Variants in COG6 observed in about 807,000 individuals in gnomAD.
COG6 encodes the protein component of oligomeric golgi complex 6.
COG6 carries 74 observed loss-of-function variants against 88.8 expected under a neutral mutation model. That is an observed-to-expected ratio of 0.83 (90% CI 0.69 to 1.01). The LOEUF (loss-of-function observed/expected upper bound fraction) is 1.01. Among genes scored for constraint, COG6 ranks in the 50% least tolerant of loss-of-function variants. The probability of loss-of-function intolerance (pLI) is 0.00; values close to 1 mark genes in which losing one functional copy is unlikely to be tolerated. For synonymous variants in COG6, 286 were observed against 278.7 expected, an observed-to-expected ratio of 1.03 and a Z score of -0.26; for missense variants, 800 against 797.9, an observed-to-expected ratio of 1.00 and a Z score of -0.03.
chr13:39,680,088 T>G, intron 7 of COG6, 43 bp downstream of exon 7: 1 of 1,174,314 alleles, frequency 8.5e-7, no homozygotes, highest in South Asian at 1.3e-5. Context: ...TGAACATTTG[T>G]AGTTGTTTTT....
intron 18 of COG6, chr13:39,788,202 T>G (rs1258897169): frequency 5.6e-6 from 5 of 897,016 alleles, no homozygotes; most frequent in Non-Finnish European, 9.1e-6. Context: ...CTCCACCACA[T>G]GGTAATCAGT....
At chr13:39,682,072 TGGGG>T in intron 7 of COG6, 95 bp from the exon 8 acceptor site, 1 of 793,296 alleles carries the variant, frequency 1.3e-6, no homozygotes, top group Admixed American at 2.0e-5. Flanking sequence ...TTTTTTTTTA[TGGGG>T]TGTTTGCCAT....
chr13:39,760,058 A>G (rs1301100963), intron 18 of COG6, among the ~76,000 whole-genome samples: 2 of 152,322 alleles, frequency 1.3e-5, no homozygotes, highest in East Asian at 3.9e-4. Context: ...GTTTCCATCA[A>G]TGTCAACATC....
At chr13:39,789,697 A>G (rs1003205790) in exon 19 of COG6, 1 of 152,174 alleles carries the variant, frequency 6.6e-6, no homozygotes, top group African/African-American at 2.4e-5. Context: ...AATCGGAATT[A>G]GTTTAGCTTG....
At chr13:39,698,717 T>G (rs1877410747) in intron 12 of COG6, among the ~76,000 whole-genome samples, 1 of 151,906 alleles carries the variant, frequency 6.6e-6, no homozygotes, top group Non-Finnish European at 1.5e-5. Context: ...TGTTATGCCT[T>G]TAGAAATTAT....
At chr13:39,707,630 C>T (rs1878016575) in intron 13 of COG6, among the ~76,000 whole-genome samples, 1 of 152,160 alleles carries the variant, frequency 6.6e-6, no homozygotes, top group African/African-American at 2.4e-5. Flanking sequence ...CTTGTTTTGC[C>T]TGCTATTAAC....
chr13:39,751,314 G>C lies in COG6; in HGVS notation c.*221G>C. On this transcript the variant is annotated 3_prime_UTR_variant, in exon 19 of 19. Transcript: ENST00000455146. ...GCTGTGTATCTACTCTAAATGAGAT[G>C]ATCTATTTTTTTGCTAGCCATCTCT... 6.7e-7 allele frequency: 1 copy of C among 1,485,932 alleles called. No individual in the cohort carries two copies. Among genetic ancestry groups the C allele is most frequent in the East Asian group, 2.7e-5 (1 of 36,926 alleles). The allele number at this position is 1,485,932 out of a possible 1,614,324, so 92.0% of individuals were successfully genotyped here.
At chr13:39,722,238 A>G (rs1410779659) in intron 15 of COG6, among the ~76,000 whole-genome samples, 1 of 151,306 alleles carries the variant, frequency 6.6e-6, no homozygotes. Flanking sequence ...ACCTTTGCGC[A>G]CTTTGTTTTT....
At chr13:39,676,838 C>T (rs1230370709) in intron 4 of COG6, among the ~76,000 whole-genome samples, 1 of 151,896 alleles carries the variant, frequency 6.6e-6, no homozygotes, top group Non-Finnish European at 1.5e-5. Flanking sequence ...CTTCTCAGTC[C>T]CATAGGTCCT....
chr13:39,724,941 G>A (rs1163091654), intron 17 of COG6, among the ~76,000 whole-genome samples: 1 of 151,750 alleles, frequency 6.6e-6, no homozygotes, highest in Non-Finnish European at 1.5e-5. Flanking sequence ...CGTGAAAATC[G>A]AAATTAGATT....
Position 39,727,507 on chromosome 13 carries a change from A to G in COG6, c.1785A>G (p.Leu595=), listed in dbSNP as rs571699514. 1.4e-5 allele frequency: 22 copies of G among 1,613,514 alleles called. No individual in the cohort carries two copies. The highest frequency in any genetic ancestry group is 3.3e-5 in the South Asian group (3 of 91,070). ...FDRYLSAPDN[L]LIPQLNFLLS... ...GTTATCTGTCAGCCCCAGACAACCTATTGATACCACAGCTGAACTTTCTTC... is the reference window on the plus strand; with the variant it reads ...GTTATCTGTCAGCCCCAGACAACCTGTTGATACCACAGCTGAACTTTCTTC... Residue 595 remains leucine (L), a synonymous_variant, in exon 18 of 19, where the codon CTA becomes CTG. Coordinates refer to ENST00000455146, the MANE Select transcript of COG6 (RefSeq NM_020751.3).
At chr13:39,710,893 A>G (rs561371816) in intron 13 of COG6, among the ~76,000 whole-genome samples, 151 of 152,054 alleles carry the variant, frequency 9.9e-4, no homozygotes, top group Non-Finnish European at 1.3e-3. Flanking sequence ...AAAAATTTTA[A>G]CTTTACCATA....
exon 19 of COG6, chr13:39,789,098 C>T (rs1881861871): frequency 6.6e-6 from 1 of 152,188 alleles, no homozygotes; most frequent in African/African-American, 2.4e-5. Flanking sequence ...TTCCAATTCC[C>T]CTGCATACTT....
intron 18 of COG6, among the ~76,000 whole-genome samples, chr13:39,744,426 G>T (rs1273763750): frequency 6.6e-6 from 1 of 152,110 alleles, no homozygotes; most frequent in African/African-American, 2.4e-5. Flanking sequence ...CAAAATCAAT[G>T]TGCAAAAATC....
At position 39,733,614 on chromosome 13, in the gene COG6, T is replaced by C. The variant is rs193183863; in HGVS notation, c.1826+6066T>C. On this transcript the variant is annotated intron_variant, in intron 18 of 18. Transcript: ENST00000455146. ...TGTACTGTTTTTTTTTTTCTTAATC[T>C]GTCTTTGGTTTTGGTATCAGGGTTA... Among the ~76,000 whole-genome samples, 920 of 152,096 alleles carry C rather than the reference T, an allele frequency of 6.0e-3. 8 individuals are homozygous for C. Among genetic ancestry groups the C allele is most frequent in the Non-Finnish European group, 0.01 (705 of 67,958 alleles).
chr13:39,681,737 A>C (rs926219672), intron 7 of COG6, among the ~76,000 whole-genome samples: 1 of 152,164 alleles, frequency 6.6e-6, no homozygotes, highest in Non-Finnish European at 1.5e-5. Context: ...AAATTATATC[A>C]CTATATATTA....
At chr13:39,727,667 G>T (rs1386611786) in intron 18 of COG6, 119 bp downstream of exon 18, 2 of 798,384 alleles carry the variant, frequency 2.5e-6, no homozygotes, top group African/African-American at 3.4e-5. Context: ...AAAATCTATA[G>T]TTCTCAACCT....
At chr13:39,711,137 A>G (rs2138058996) in intron 13 of COG6, among the ~76,000 whole-genome samples, 1 of 152,226 alleles carries the variant, frequency 6.6e-6, no homozygotes, top group South Asian at 2.1e-4. Flanking sequence ...CACCGGTTTG[A>G]AAAGTTTAAA....
At chr13:39,678,919 GTTATTATTA>G in intron 5 of COG6, among the ~76,000 whole-genome samples, 1 of 151,012 alleles carries the variant, frequency 6.6e-6, no homozygotes, top group South Asian at 2.1e-4. Context: ...GAAAATGAGG[GTTATTATTA>G]TTATTATTAT....
Sources: gnomAD v4.1 joint callset for allele counts (sites outside exome capture counted in the v4.1 genomes callset) on GRCh38, gnomAD v4.1.1 for gene constraint, MANE v1.5 for transcripts, NCBI Gene and HGNC (gene_info 2026-07-23, HGNC 2026-07-21) for gene names.